The following FNTB variants were observed in gnomAD, a reference collection of about 807,000 sequenced individuals.
FNTB encodes farnesyltransferase, CAAX box, subunit beta, also known as protein farnesyltransferase subunit beta.
A neutral mutation model predicts 59.4 loss-of-function variants in FNTB; 27 were observed. That is an observed-to-expected ratio of 0.45 (90% CI 0.34 to 0.63). The LOEUF (loss-of-function observed/expected upper bound fraction) is 0.63, where lower values mean the gene tolerates loss of function less well. Among genes scored for constraint, FNTB ranks in the 20% least tolerant of loss-of-function variants. The probability of loss-of-function intolerance (pLI) is 0.02; values close to 1 mark genes in which losing one functional copy is unlikely to be tolerated. For synonymous variants in FNTB, 230 were observed against 220.7 expected (o/e 1.04, Z -0.37); for missense variants, 449 against 559.6 (o/e 0.80, Z 1.99).
At chr14:65,046,223 G>C (rs1449278755) in intron 9 of FNTB, among the ~76,000 whole-genome samples, 2 of 151,802 alleles carry the variant, frequency 1.3e-5, no homozygotes, top group Admixed American at 1.3e-4. Context: ...TGATCTGTCC[G>C]CCTTGGCCTC....
At chr14:65,017,665 A>T (rs531175676) in intron 4 of FNTB, among the ~76,000 whole-genome samples, 3 of 152,332 alleles carry the variant, frequency 2.0e-5, no homozygotes, top group African/African-American at 7.2e-5. Context: ...AATTTTTTTT[A>T]AATGTAAAGC....
chr14:65,005,903 T>G (rs1299774436), intron 2 of FNTB, among the ~76,000 whole-genome samples: 2 of 152,204 alleles, frequency 1.3e-5, no homozygotes, highest in Non-Finnish European at 2.9e-5. Flanking sequence ...GTGCTGAGAT[T>G]ACAGCTGTGA....
chr14:65,049,789 A>G (rs537734354), intron 9 of FNTB, among the ~76,000 whole-genome samples: 5 of 152,284 alleles, frequency 3.3e-5, no homozygotes, highest in Non-Finnish European at 7.4e-5. Flanking sequence ...GCTTTTTTAA[A>G]TAATAGCTTT....
intron 7 of FNTB, among the ~76,000 whole-genome samples, chr14:65,039,268 G>A (rs1354494274): frequency 4.6e-5 from 7 of 152,148 alleles, no homozygotes; most frequent in Non-Finnish European, 4.4e-5. Context: ...GTATGAAACT[G>A]GCAGCCTTGT....
At chr14:65,052,226 TAATAG>T (rs1368824120) in intron 9 of FNTB, among the ~76,000 whole-genome samples, 1 of 152,182 alleles carries the variant, frequency 6.6e-6, no homozygotes, top group Non-Finnish European at 1.5e-5. Context: ...GCAGATTATG[TAATAG>T]AATAGAAAAT....
At position 65,032,724 on chromosome 14, in the gene FNTB, C is replaced by A. The variant is rs1387164137; in HGVS notation, c.692+28C>A. 6.2e-7 allele frequency: 1 copy of A among 1,603,910 alleles called. No individual in the cohort carries two copies. Among genetic ancestry groups the A allele is most frequent in the East Asian group, 2.2e-5 (1 of 44,578 alleles). On this transcript the variant is annotated intron_variant, in intron 7 of 11. Transcript: ENST00000246166. This position sits in a 1 kb window ranked among gnomAD's most constrained non-coding sequence, Gnocchi z 5.0. ...GAGAGAAGCCAGGGTTTCTCCTGGC[C>A]TCTTGGAGAGCAGGCGGTCACGACA...
intron 11 of FNTB, among the ~76,000 whole-genome samples, chr14:65,060,828 G>A (rs1027196643): frequency 1.2e-4 from 17 of 138,508 alleles, no homozygotes; most frequent in South Asian, 1.2e-3. Context: ...AGCTAAGATC[G>A]TGTCAATGCA....
rs1315873183 is a variant in FNTB, at chr14:65,023,595, C to T, written c.375-3858C>T. On this transcript the variant is annotated intron_variant, in intron 4 of 11. Transcript: ENST00000246166. The surrounding 1 kb of genome is among the most constrained non-coding windows in gnomAD (Gnocchi z 4.1). ...GTGTCTATAAACATCTATACGTGTT[C>T]TATATTGGCCACTAGCCACAGTTAG... 1.3e-5 allele frequency among the ~76,000 whole-genome samples: 2 copies of T among 152,130 alleles called. No individual in the cohort carries two copies. Among genetic ancestry groups the T allele is most frequent in the Non-Finnish European group, 2.9e-5 (2 of 68,004 alleles).
chr14:65,005,434 C>G (rs1294470538), intron 2 of FNTB, among the ~76,000 whole-genome samples: 3 of 151,408 alleles, frequency 2.0e-5, no homozygotes, highest in Admixed American at 6.6e-5. Context: ...TGATGGAACA[C>G]TTTCTCTTCC....
Position 65,019,508 on chromosome 14 carries a change from A to ATT in FNTB, c.374+3799_374+3800dup, listed in dbSNP as rs71123900. Among the ~76,000 whole-genome samples the ATT allele has an allele frequency of 2.4e-4, 36 of 151,906 alleles. No individual in the cohort carries two copies. In the East Asian group the frequency reaches 3.5e-3, roughly 15 times the overall value. Reference sequence around the variant, plus strand: ...GTCTCAAAAAACAAACAAACAAAACATTTTTTTTAAGCTTACTTGCATTTT... The same window carrying ATT: ...GTCTCAAAAAACAAACAAACAAAACATTTTTTTTTTAAGCTTACTTGCATTTT... On this transcript the variant is annotated intron_variant, in intron 4 of 11. Coordinates refer to ENST00000246166, the MANE Select transcript of FNTB (RefSeq NM_002028.4).
intron 7 of FNTB, among the ~76,000 whole-genome samples, chr14:65,038,529 C>G (rs1481456710): frequency 1.3e-5 from 2 of 151,928 alleles, no homozygotes; most frequent in South Asian, 2.1e-4. Context: ...ACCAGCCTGA[C>G]CAACATGGTG....
chr14:65,032,306 G>A lies in FNTB; in HGVS notation c.606-304G>A, dbSNP rs149703722. ...ACCATTATAGGTCTTTGAAAGAAGAGCTGAATCCACTTTTGACATGAATTG... is the reference window on the plus strand; with the variant it reads ...ACCATTATAGGTCTTTGAAAGAAGAACTGAATCCACTTTTGACATGAATTG... On this transcript the variant is annotated intron_variant, in intron 6 of 11. Coordinates refer to ENST00000246166, the MANE Select transcript of FNTB (RefSeq NM_002028.4). The surrounding 1 kb of genome is among the most constrained non-coding windows in gnomAD (Gnocchi z 5.0). The A allele has an allele frequency of 3.8e-4, 95 of 253,030 alleles. No individual in the cohort carries two copies. The highest frequency in any genetic ancestry group is 2.1e-3 in the African/African-American group (92 of 44,626). 15.7% of individuals were successfully genotyped at this position (253,030 alleles called of 1,614,324 possible).
Position 65,044,622 on chromosome 14 carries a change from T to C in FNTB, c.955+179T>C. On this transcript the variant is annotated intron_variant, in intron 9 of 11. Transcript: ENST00000246166. The surrounding 1 kb of genome is among the most constrained non-coding windows in gnomAD (Gnocchi z 5.5). ...TGCGAATGCAGAGTAAGATTTAGTT[T>C]CATTGGTTTAGTGTCATTCTTTGCT... 1 of 936,512 alleles carries C rather than the reference T, an allele frequency of 1.1e-6. No homozygotes were observed. Among genetic ancestry groups the C allele is most frequent in the Non-Finnish European group, 1.5e-6 (1 of 669,274 alleles). The allele number at this position is 936,512 out of a possible 1,614,324, so 58.0% of individuals were successfully genotyped here. A position where few individuals can be genotyped will look rare whatever the true frequency, so the allele number is the denominator to read the frequency against.
chr14:64,996,570 A>G (rs1566861210), intron 1 of FNTB, among the ~76,000 whole-genome samples: 2 of 152,212 alleles, frequency 1.3e-5, no homozygotes, highest in African/African-American at 4.8e-5. Context: ...TCTAAAAACC[A>G]ATGAACTTTG....
intron 7 of FNTB, among the ~76,000 whole-genome samples, chr14:65,037,756 A>T (rs2062242935): frequency 7.9e-6 from 1 of 126,616 alleles, no homozygotes; most frequent in South Asian, 2.5e-4. Flanking sequence ...TTATTTATTT[A>T]TTTATTTATT....
Position 65,009,166 on chromosome 14 carries a change from G to T in FNTB, c.210-3151G>T, listed in dbSNP as rs1595009033. ...AGTTGAGAATGAAGGACCGGTGAGGGTATTAGTCAGCTTGGGCTGCCATAA... is the reference window on the plus strand; with the variant it reads ...AGTTGAGAATGAAGGACCGGTGAGGTTATTAGTCAGCTTGGGCTGCCATAA... On this transcript the variant is annotated intron_variant, in intron 2 of 11. Coordinates refer to ENST00000246166, the MANE Select transcript of FNTB (RefSeq NM_002028.4). The surrounding 1 kb of genome is among the most constrained non-coding windows in gnomAD (Gnocchi z 4.2). Among the ~76,000 whole-genome samples, 1 of 152,144 alleles carries T rather than the reference G, an allele frequency of 6.6e-6. No individual in the cohort carries two copies.
At chr14:65,052,556 C>T (rs1231212627) in intron 9 of FNTB, among the ~76,000 whole-genome samples, 2 of 152,156 alleles carry the variant, frequency 1.3e-5, no homozygotes, top group Non-Finnish European at 2.9e-5. Flanking sequence ...CTGTGTGGCC[C>T]ACAGAATTCT....
chr14:65,061,557 GA>G lies in FNTB; in HGVS notation c.*247del, dbSNP rs1302454243. 3.6e-5 allele frequency: 18 copies of G among 505,826 alleles called. No individual in the cohort carries two copies. In the South Asian group the frequency reaches 3.7e-4, roughly 10 times the overall value. The allele number at this position is 505,826 out of a possible 1,614,324, so 31.3% of individuals were successfully genotyped here. Reference sequence around the variant, plus strand: ...TATCAGCCCACGTGGTGTGGTTGGTGAACAGTGCATGCCAGGAGGAAGCAGT... The same window carrying G: ...TATCAGCCCACGTGGTGTGGTTGGTGACAGTGCATGCCAGGAGGAAGCAGT... On this transcript the variant is annotated 3_prime_UTR_variant, in exon 12 of 12. Coordinates refer to ENST00000246166, the MANE Select transcript of FNTB (RefSeq NM_002028.4).
At chr14:65,049,690 A>G (rs2139662843) in intron 9 of FNTB, among the ~76,000 whole-genome samples, 1 of 152,296 alleles carries the variant, frequency 6.6e-6, no homozygotes, top group East Asian at 1.9e-4. Context: ...TTTACCTTAT[A>G]ATAATAGTCT....
Sources: gnomAD v4.1 joint callset for allele counts (sites outside exome capture counted in the v4.1 genomes callset) on GRCh38, gnomAD v4.1.1 for gene constraint, Gnocchi (gnomAD v3.1) non-coding constraint, MANE v1.5 for transcripts, NCBI Gene and HGNC (gene_info 2026-07-23, HGNC 2026-07-21) for gene names.